Variants in MTMR6 observed in about 807,000 individuals in gnomAD.
MTMR6 encodes phosphatidylinositol-3,5-bisphosphate 3-phosphatase MTMR6.
In MTMR6, 47 loss-of-function variants were observed where a neutral mutation model predicts 80.1. That is an observed-to-expected ratio of 0.59 (90% CI 0.46 to 0.75). The LOEUF is 0.75. Among genes scored for constraint, MTMR6 ranks in the 30% least tolerant of loss-of-function variants. The pLI, the probability that MTMR6 is intolerant of heterozygous loss-of-function variation, is 0.00. For synonymous variants in MTMR6, 254 were observed against 253.0 expected (o/e 1.00, Z -0.04); for missense variants, 629 against 730.9 (o/e 0.86, Z 1.61).
intron 1 of MTMR6, among the ~76,000 whole-genome samples, chr13:25,279,468 T>C (rs1281731940): frequency 6.6e-6 from 1 of 152,222 alleles, no homozygotes; most frequent in Non-Finnish European, 1.5e-5. Flanking sequence ...AGTTGTTCTT[T>C]ATAGCAGTGT....
intron 9 of MTMR6, among the ~76,000 whole-genome samples, chr13:25,254,912 A>G (rs1176657729): frequency 6.6e-6 from 1 of 152,158 alleles, no homozygotes; most frequent in Non-Finnish European, 1.5e-5. Flanking sequence ...AATGATAAAA[A>G]GACCAATTAT....
chr13:25,258,474 T>A (rs1957262758), intron 7 of MTMR6, 86 bp downstream of exon 7: 1 of 1,143,792 alleles, frequency 8.7e-7, no homozygotes, highest in Non-Finnish European at 1.2e-6. Flanking sequence ...TTTTAAAATG[T>A]GACCACTGGA....
Position 25,249,480 on chromosome 13 carries a change from G to A in MTMR6, c.1618C>T (p.Arg540Cys), listed in dbSNP as rs373314805. The A allele has an allele frequency of 1.5e-5, 24 of 1,611,596 alleles. No homozygotes were observed. Among genetic ancestry groups the A allele is most frequent in the South Asian group, 1.1e-4 (10 of 90,958 alleles). Residue 540 changes from arginine to cysteine, a missense_variant, in exon 14 of 14, where the codon CGC becomes TGC. Arg to Cys is a radical substitution (Grantham distance 180). Coordinates refer to ENST00000381801, the MANE Select transcript of MTMR6 (RefSeq NM_004685.5). Reference protein sequence around the residue: ...IKDLESKIKQRKNKQTDGILT... With the variant: ...IKDLESKIKQCKNKQTDGILT... ...ATGCCATCTGTTTGCTTATTTTTGC[G>A]TTGTTTAATTTTCTAGAACAAACAC...
At chr13:25,264,387 A>G (rs1371341842) in intron 5 of MTMR6, among the ~76,000 whole-genome samples, 8 of 152,198 alleles carry the variant, frequency 5.3e-5, no homozygotes, top group Admixed American at 4.6e-4. Context: ...GGAAATTATC[A>G]AAGAAATAGA....
chr13:25,274,943 C>CACACACACACAT (rs1566042649), intron 1 of MTMR6, among the ~76,000 whole-genome samples: 15 of 46,596 alleles, frequency 3.2e-4, no homozygotes, highest in African/African-American at 8.4e-4. Flanking sequence ...TAGACAGACA[C>CACACACACACAT]ACACACACAC....
At chr13:25,285,533 C>T (rs1421951533) in intron 1 of MTMR6, among the ~76,000 whole-genome samples, 5 of 151,062 alleles carry the variant, frequency 3.3e-5, no homozygotes, top group Admixed American at 6.6e-5. Flanking sequence ...CCACCCCACC[C>T]GGCTTTCTTT....
At chr13:25,266,730 T>C (rs1166075848) in intron 3 of MTMR6, among the ~76,000 whole-genome samples, 1 of 152,224 alleles carries the variant, frequency 6.6e-6, no homozygotes, top group African/African-American at 2.4e-5. Context: ...ATGGCAACTG[T>C]TGCACAGAAC....
At chr13:25,268,415 A>G (rs1385814736) in intron 2 of MTMR6, among the ~76,000 whole-genome samples, 2 of 152,174 alleles carry the variant, frequency 1.3e-5, no homozygotes, top group Non-Finnish European at 2.9e-5. Context: ...ATCACTGACT[A>G]TGTTCTAGTG....
chr13:25,270,399 A>G (rs889433331), intron 2 of MTMR6, among the ~76,000 whole-genome samples: 1 of 152,222 alleles, frequency 6.6e-6, no homozygotes, highest in Non-Finnish European at 1.5e-5. Flanking sequence ...GAATATACTG[A>G]TAAGAAAGCA....
Position 25,268,084 on chromosome 13 carries a change from T to C in MTMR6, c.142-143A>G, listed in dbSNP as rs1451462458. Reference sequence around the variant, plus strand: ...TCAAACTTCACGTTTTTAAAATGACTGAATGCCCAAGTCAGAAATATGGGT... The same window carrying C: ...TCAAACTTCACGTTTTTAAAATGACCGAATGCCCAAGTCAGAAATATGGGT... On this transcript the variant is annotated intron_variant, in intron 2 of 13. Coordinates refer to ENST00000381801, the MANE Select transcript of MTMR6 (RefSeq NM_004685.5). 4 of 733,904 alleles carry C rather than the reference T, an allele frequency of 5.5e-6. No individual in the cohort carries two copies. The East Asian group carries it at 1.1e-4, about 21-fold the overall frequency. 45.5% of individuals were successfully genotyped at this position (733,904 alleles called of 1,614,324 possible). A position where few individuals can be genotyped will look rare whatever the true frequency, so the allele number is the denominator to read the frequency against.
At chr13:25,266,604 A>G (rs1957459203) in intron 3 of MTMR6, among the ~76,000 whole-genome samples, 1 of 152,110 alleles carries the variant, frequency 6.6e-6, no homozygotes, top group Non-Finnish European at 1.5e-5. Flanking sequence ...GACATTTCCT[A>G]CTAATCACTT....
chr13:25,255,144 T>C (rs1260590980), intron 9 of MTMR6, among the ~76,000 whole-genome samples: 2 of 152,254 alleles, frequency 1.3e-5, no homozygotes, highest in African/African-American at 4.8e-5. Flanking sequence ...ATTATTTTCA[T>C]AGTGTCAAAA....
rs761861583 is a variant in MTMR6 at position 25,257,852 on chromosome 13, G to C, written c.860-7C>G. On this transcript the variant is annotated splice_polypyrimidine_tract_variant and splice_region_variant and intron_variant, in intron 7 of 13. Coordinates refer to ENST00000381801, the MANE Select transcript of MTMR6 (RefSeq NM_004685.5). ...AGCCCTTTAGTGCCATTGACTGAAA[G>C]AGGTATAAAAATATTTCAATTAGAA... 2.5e-6 allele frequency: 4 copies of C among 1,594,594 alleles called. No homozygotes were observed. Among genetic ancestry groups the C allele is most frequent in the South Asian group, 2.2e-5 (2 of 90,146 alleles).
intron 9 of MTMR6, among the ~76,000 whole-genome samples, chr13:25,256,184 C>A (rs1238846827): frequency 6.6e-6 from 1 of 152,348 alleles, no homozygotes; most frequent in South Asian, 2.1e-4. Flanking sequence ...TCACACATTA[C>A]CTGCAGTCAC....
intron 6 of MTMR6, among the ~76,000 whole-genome samples, chr13:25,261,343 CA>C (rs1957336572): frequency 1.3e-5 from 1 of 78,172 alleles, no homozygotes; most frequent in African/African-American, 4.4e-5. Flanking sequence ...AGAATAGTAA[CA>C]ATTTATTTTT....
intron 13 of MTMR6, among the ~76,000 whole-genome samples, chr13:25,249,975 CAG>C (rs1957052100): frequency 6.6e-6 from 1 of 152,112 alleles, no homozygotes; most frequent in Admixed American, 6.5e-5. Context: ...ACTTTTTTAA[CAG>C]AAGATTTTTA....
chr13:25,261,645 T>C (rs1482529383), intron 6 of MTMR6, 23 bp downstream of exon 6: 2 of 1,567,666 alleles, frequency 1.3e-6, no homozygotes, highest in Non-Finnish European at 1.7e-6. Flanking sequence ...ACTAGCAGAC[T>C]GTACTGTATT....
chr13:25,261,554 T>G, intron 6 of MTMR6, 114 bp downstream of exon 6: 3 of 942,416 alleles, frequency 3.2e-6, no homozygotes, highest in Non-Finnish European at 4.4e-6. Flanking sequence ...TAGCCTTAGT[T>G]AATTTAAAAC....
chr13:25,261,735 A>G lies in MTMR6; in HGVS notation c.659T>C (p.Leu220Ser). Residue 220 changes from leucine (L) to serine (S), a missense_variant, in exon 6 of 14, where the codon TTG (leucine) becomes TCG (serine). Physicochemically the swap from Leu to Ser is moderately radical, Grantham distance 145 (BLOSUM62 -2). Transcript: ENST00000381801. ...ATTGGCTTTACTAATGGCTTGAAGC[A>G]AATGTTCATCCTCCAGGCACCTGGC... is the stretch of plus-strand genomic sequence containing the variant. ...FSARCLEDEH[L>S]LQAISKANPV... 6.2e-7 allele frequency: 1 copy of G among 1,613,938 alleles called. No individual in the cohort carries two copies. Among genetic ancestry groups the G allele is most frequent in the Non-Finnish European group, 8.5e-7 (1 of 1,179,846 alleles).
Sources: allele counts gnomAD v4.1 joint callset (sites outside exome capture counted in the v4.1 genomes callset), GRCh38; gene constraint gnomAD v4.1.1; transcripts MANE v1.5; gene names NCBI Gene and HGNC (gene_info 2026-07-23, HGNC 2026-07-21).